The following NPAS3 variants were observed in gnomAD, a reference collection of about 807,000 sequenced individuals.
NPAS3 encodes neuronal PAS domain-containing protein 3.
In NPAS3, 14 loss-of-function variants were observed where a neutral mutation model predicts 73.1. The observed-to-expected ratio is 0.19, with a 90% CI of 0.13 to 0.30. The LOEUF (loss-of-function observed/expected upper bound fraction) is 0.30. Among genes scored for constraint, NPAS3 ranks in the 10% least tolerant of loss-of-function variants. The probability of loss-of-function intolerance (pLI) is 1.00; values close to 1 mark genes in which losing one functional copy is unlikely to be tolerated. For synonymous variants in NPAS3, 620 were observed against 541.5 expected, an observed-to-expected ratio of 1.14 and a Z score of -2.01; for missense variants, 1,096 against 1,250.0, an observed-to-expected ratio of 0.88 and a Z score of 1.86.
At chr14:33,358,855 G>T (rs2045464108) in intron 3 of NPAS3, among the ~76,000 whole-genome samples, 2 of 152,196 alleles carry the variant, frequency 1.3e-5, no homozygotes, top group South Asian at 4.1e-4. Context: ...TTGGTCAACA[G>T]GGTTGATACC....
chr14:33,081,042 G>A (rs1420724347), intron 2 of NPAS3, among the ~76,000 whole-genome samples: 1 of 152,198 alleles, frequency 6.6e-6, no homozygotes, highest in Non-Finnish European at 1.5e-5. Context: ...TTCTTTACCA[G>A]CAATGTACAT....
chr14:33,253,083 A>C (rs2048648369), intron 3 of NPAS3, among the ~76,000 whole-genome samples: 2 of 152,114 alleles, frequency 1.3e-5, no homozygotes, highest in Admixed American at 1.3e-4. Context: ...TGCGATGAAC[A>C]TAAGTGGAAA....
intron 2 of NPAS3, among the ~76,000 whole-genome samples, chr14:33,206,918 C>T (rs1443244476): frequency 3.9e-5 from 6 of 152,134 alleles, no homozygotes; most frequent in Non-Finnish European, 7.4e-5. Context: ...CTGACCCTTT[C>T]AAACATTTAG....
chr14:33,606,196 A>G (rs1054300718), intron 5 of NPAS3, among the ~76,000 whole-genome samples: 1 of 148,938 alleles, frequency 6.7e-6, no homozygotes, highest in Non-Finnish European at 1.5e-5. Context: ...AGCATTAGGT[A>G]TATCTCCTAA....
intron 3 of NPAS3, among the ~76,000 whole-genome samples, chr14:33,359,122 TGA>T (rs374683004): frequency 6.6e-6 from 1 of 151,020 alleles, no homozygotes; most frequent in South Asian, 2.1e-4. Flanking sequence ...AGAGAGACAG[TGA>T]GAGAGAGAGA....
chr14:33,593,653 A>T (rs2057143856), intron 5 of NPAS3, among the ~76,000 whole-genome samples: 1 of 152,214 alleles, frequency 6.6e-6, no homozygotes, highest in Non-Finnish European at 1.5e-5. Flanking sequence ...AACTAAACTA[A>T]ATGATTTCTA....
chr14:33,344,769 T>A (rs146541418), intron 3 of NPAS3, among the ~76,000 whole-genome samples: 6 of 152,222 alleles, frequency 3.9e-5, no homozygotes, highest in African/African-American at 1.4e-4. Flanking sequence ...CTCACATGCC[T>A]TTTATAAGTC....
chr14:33,051,222 C>T (rs888843833), intron 1 of NPAS3, among the ~76,000 whole-genome samples: 2 of 146,136 alleles, frequency 1.4e-5, no homozygotes, highest in Admixed American at 6.9e-5. Flanking sequence ...TGCAGTGAGC[C>T]GAGATTGCGC....
chr14:33,800,999 C>T lies in NPAS3; in HGVS notation c.2692C>T (p.Pro898Ser), dbSNP rs1321357901. Residue 898 changes from proline to serine, a missense_variant, in exon 12 of 12, where the codon CCC (proline) becomes TCC (serine). This residue lies in a region of NPAS3 where 698 missense variants were observed against 676.7 expected (regional missense o/e 1.03). Transcript: ENST00000356141. The surrounding 1 kb of genome is among the most constrained non-coding windows in gnomAD (Gnocchi z 6.5). ...GAGCGCAGCTAGCCTGACGCAGATG[C>T]CCGCCGGCAACGTGTTCACCACGGC... 1 of 1,587,882 alleles carries T rather than the reference C, an allele frequency of 6.3e-7. No homozygotes were observed. The highest frequency in any genetic ancestry group is 1.8e-5 in the Admixed American group (1 of 56,922).
chr14:33,547,230 T>C (rs1205267030), intron 4 of NPAS3, among the ~76,000 whole-genome samples: 1 of 152,176 alleles, frequency 6.6e-6, no homozygotes, highest in African/African-American at 2.4e-5. Context: ...GTGACACATT[T>C]AAGTAGAAAT....
At chr14:33,101,117 T>C (rs1032208990) in intron 2 of NPAS3, among the ~76,000 whole-genome samples, 7 of 152,006 alleles carry the variant, frequency 4.6e-5, no homozygotes, top group Admixed American at 1.3e-4. Flanking sequence ...TCCCCAGACA[T>C]ACCATCACCG....
chr14:33,381,884 G>T (rs1179926466), intron 4 of NPAS3, among the ~76,000 whole-genome samples: 1 of 152,102 alleles, frequency 6.6e-6, no homozygotes, highest in Non-Finnish European at 1.5e-5. Flanking sequence ...CCATTTTGTT[G>T]TCTCCTGCTG....
At chr14:33,166,073 C>A (rs2045130953) in intron 2 of NPAS3, among the ~76,000 whole-genome samples, 1 of 152,196 alleles carries the variant, frequency 6.6e-6, no homozygotes, top group African/African-American at 2.4e-5. Flanking sequence ...TGTGCTTCCA[C>A]TACTGTCGGT....
chr14:33,531,587 A>G (rs1012742829), intron 4 of NPAS3, among the ~76,000 whole-genome samples: 1 of 152,100 alleles, frequency 6.6e-6, no homozygotes, highest in Non-Finnish European at 1.5e-5. Flanking sequence ...ATTGAAGGAC[A>G]TTTGGGTTGA....
At chr14:33,424,292 G>C (rs2048468430) in intron 4 of NPAS3, among the ~76,000 whole-genome samples, 1 of 152,050 alleles carries the variant, frequency 6.6e-6, no homozygotes, top group Non-Finnish European at 1.5e-5. Context: ...GAAGGCTAAA[G>C]TGGCTAAAGC....
intron 1 of NPAS3, among the ~76,000 whole-genome samples, chr14:32,977,047 AACACACACACACACACACACATAC>A (rs1300423895): frequency 6.7e-6 from 1 of 149,308 alleles, no homozygotes; most frequent in African/African-American, 2.5e-5. Flanking sequence ...TGGTCAAGGT[AACACACACACACACACACACATAC>A]ACACACACGT....
intron 1 of NPAS3, among the ~76,000 whole-genome samples, chr14:33,013,376 G>C (rs2039281337): frequency 6.6e-6 from 1 of 152,134 alleles, no homozygotes; most frequent in Non-Finnish European, 1.5e-5. Flanking sequence ...TTGGAATCAT[G>C]TGTTTTGGCT....
chr14:32,970,283 G>A (rs2037364294), intron 1 of NPAS3, among the ~76,000 whole-genome samples: 1 of 152,016 alleles, frequency 6.6e-6, no homozygotes, highest in Non-Finnish European at 1.5e-5. Context: ...TTACAGTTTT[G>A]TTGTTGCTGC....
intron 1 of NPAS3, among the ~76,000 whole-genome samples, chr14:33,045,259 G>A (rs1349449346): frequency 6.6e-6 from 1 of 152,112 alleles, no homozygotes; most frequent in Non-Finnish European, 1.5e-5. Flanking sequence ...TCCTGAACTA[G>A]GAAAAGGAGT....
Sources: gnomAD v4.1 joint callset for allele counts (sites outside exome capture counted in the v4.1 genomes callset) on GRCh38, gnomAD v4.1.1 for gene constraint, gnomAD v4.1.1 regional missense constraint, Gnocchi (gnomAD v3.1) non-coding constraint, MANE v1.5 for transcripts, NCBI Gene and HGNC (gene_info 2026-07-23, HGNC 2026-07-21) for gene names.